The following UGT1A10 variants were observed in gnomAD, a reference collection of about 807,000 sequenced individuals.
UGT1A10 encodes UDP-glucuronosyltransferase 1A10.
In UGT1A10, 49 loss-of-function variants were observed where a neutral mutation model predicts 45.8. That is an observed-to-expected ratio of 1.07 (90% CI 0.85 to 1.36). The LOEUF is 1.36. UGT1A10 is among the 40% of genes most tolerant of loss of function. The probability of loss-of-function intolerance (pLI) is 0.00; values close to 1 mark genes in which losing one functional copy is unlikely to be tolerated. For missense variants in UGT1A10, 745 were observed against 668.6 expected (o/e 1.11, Z -1.26); for synonymous variants, 284 against 249.7 (o/e 1.14, Z -1.29).
Position 233,772,570 on chromosome 2 carries a change from G to C in UGT1A10, c.*11G>C. Reference sequence around the variant, plus strand: ...TCCAAGACCCATTGAGAAGTGGGTGGGAAATAAGGTAAAATTTTGAACCAT... The same window carrying C: ...TCCAAGACCCATTGAGAAGTGGGTGCGAAATAAGGTAAAATTTTGAACCAT... On this transcript the variant is annotated 3_prime_UTR_variant, in exon 5 of 5. Coordinates refer to ENST00000344644, the MANE Select transcript of UGT1A10 (RefSeq NM_019075.4). The C allele has an allele frequency of 1.2e-6, 2 of 1,612,202 alleles. No individual in the cohort carries two copies. Among genetic ancestry groups the C allele is most frequent in the Non-Finnish European group, 1.7e-6 (2 of 1,179,006 alleles).
chr2:233,646,214 C>A (rs990542227), intron 1 of UGT1A10, among the ~76,000 whole-genome samples: 3 of 152,216 alleles, frequency 2.0e-5, no homozygotes, highest in Non-Finnish European at 4.4e-5. Flanking sequence ...AGGCTGCACA[C>A]AGCAGGGGGC....
intron 1 of UGT1A10, among the ~76,000 whole-genome samples, chr2:233,665,687 T>C (rs1457386735): frequency 6.6e-6 from 1 of 152,116 alleles, no homozygotes; most frequent in Admixed American, 6.5e-5. Context: ...CCCAGGGAGG[T>C]GCACTGCATC....
intron 1 of UGT1A10, among the ~76,000 whole-genome samples, chr2:233,758,574 AAG>A (rs1434533042): frequency 6.6e-5 from 10 of 152,190 alleles, no homozygotes; most frequent in Admixed American, 3.3e-4. Flanking sequence ...CTAAAAAATG[AAG>A]AGTGTTTGGG....
intron 1 of UGT1A10, chr2:233,691,866 A>G (rs45464992): frequency 3.3e-3 from 526 of 157,150 alleles, no homozygotes; most frequent in Non-Finnish European, 5.4e-3. Context: ...TATAATAAGA[A>G]ATATATGTTT....
intron 1 of UGT1A10, chr2:233,713,853 T>C: frequency 6.2e-7 from 1 of 1,613,998 alleles, no homozygotes. Context: ...GAAGCCACTA[T>C]CTCAGGTCTG....
intron 1 of UGT1A10, chr2:233,760,742 C>A (rs760143782): frequency 6.2e-7 from 1 of 1,614,166 alleles, no homozygotes; most frequent in Non-Finnish European, 8.5e-7. Flanking sequence ...CTGACGGACC[C>A]TTTCCTTCCT....
At chr2:233,657,258 T>A (rs2073876059) in intron 1 of UGT1A10, among the ~76,000 whole-genome samples, 1 of 152,172 alleles carries the variant, frequency 6.6e-6, no homozygotes, top group Non-Finnish European at 1.5e-5. Flanking sequence ...GGCGGTTTAG[T>A]TTTTTTGTGT....
rs115693071 is a variant in UGT1A10 at position 233,730,075 on chromosome 2, T to C, written c.856-36959T>C. ...ATGTATTTATTTAAAATTGCTTCCA[T>C]ATTTACTTATCTTTCCAAATATTTC... On this transcript the variant is annotated intron_variant, in intron 1 of 4. Coordinates refer to ENST00000344644, the MANE Select transcript of UGT1A10 (RefSeq NM_019075.4). 4.0e-4 allele frequency: 646 copies of C among 1,607,268 alleles called. 1 individual carries two copies. In the African/African-American group the frequency reaches 5.1e-3, roughly 13 times the overall value.
intron 1 of UGT1A10, among the ~76,000 whole-genome samples, chr2:233,651,316 T>C (rs1281225867): frequency 6.6e-6 from 1 of 152,162 alleles, no homozygotes; most frequent in Non-Finnish European, 1.5e-5. Context: ...GCTTCCGAGA[T>C]ACGGAAAGCT....
intron 1 of UGT1A10, among the ~76,000 whole-genome samples, chr2:233,677,119 T>A (rs2074381580): frequency 6.6e-6 from 1 of 152,200 alleles, no homozygotes; most frequent in African/African-American, 2.4e-5. Context: ...GTATTTTATT[T>A]ATAGATCAAC....
chr2:233,760,393 G>A lies in UGT1A10; in HGVS notation c.856-6641G>A, dbSNP rs1697429657. The A allele has an allele frequency of 4.3e-6, 7 of 1,614,206 alleles. No homozygotes were observed. In the South Asian group the frequency reaches 5.5e-5, roughly 13 times the overall value. On this transcript the variant is annotated intron_variant, in intron 1 of 4. Transcript: ENST00000344644. The stretch of plus-strand genomic sequence containing the variant: ...TGGGAAGATACTGTTGATCCCAGTG[G>A]ATGGCAGCCACTGGCTGAGCATGCT...
At chr2:233,648,915 A>T (rs1325256818) in intron 1 of UGT1A10, 43 of 1,361,208 alleles carry the variant, frequency 3.2e-5, no homozygotes, top group African/African-American at 4.3e-5. Context: ...ACAGCCACAC[A>T]TCAATTTGGT....
chr2:233,693,505 T>G, intron 1 of UGT1A10: 2 of 1,614,198 alleles, frequency 1.2e-6, no homozygotes, highest in Non-Finnish European at 1.7e-6. Context: ...GCCTACCATC[T>G]GTGTACCTCT....
At chr2:233,688,780 TG>T (rs1488154888) in intron 1 of UGT1A10, among the ~76,000 whole-genome samples, 1 of 152,142 alleles carries the variant, frequency 6.6e-6, no homozygotes, top group Non-Finnish European at 1.5e-5. Flanking sequence ...GCCATTCTAA[TG>T]GAGAGGAAGG....
chr2:233,668,202 C>T (rs558905419), intron 1 of UGT1A10, among the ~76,000 whole-genome samples: 2 of 152,236 alleles, frequency 1.3e-5, no homozygotes, highest in African/African-American at 4.8e-5. Context: ...CTATCCCTCC[C>T]CCATACCCCC....
In UGT1A10 at chr2:233,656,392, A is replaced by T. The variant is rs576116648; in HGVS notation, c.855+19015A>T. On this transcript the variant is annotated intron_variant, in intron 1 of 4. Transcript: ENST00000344644. ...AATCAGCCTCTTGTCCAATGAAAGCAGTATTTGTGGCTTATGGAACAAGGA... is the reference window on the plus strand; with the variant it reads ...AATCAGCCTCTTGTCCAATGAAAGCTGTATTTGTGGCTTATGGAACAAGGA... 1.6e-4 allele frequency among the ~76,000 whole-genome samples: 24 copies of T among 152,358 alleles called. No homozygotes were observed. In the South Asian group the frequency reaches 3.1e-3, roughly 20 times the overall value.
intron 1 of UGT1A10, among the ~76,000 whole-genome samples, chr2:233,665,496 G>A (rs1240014417): frequency 6.6e-6 from 1 of 152,182 alleles, no homozygotes; most frequent in African/African-American, 2.4e-5. Context: ...TTTTTGACTT[G>A]AAATACAGGA....
At chr2:233,729,089 G>A (rs373016756) in intron 1 of UGT1A10, 93 of 1,612,442 alleles carry the variant, frequency 5.8e-5, no homozygotes, top group Middle Eastern at 2.1e-4. Flanking sequence ...CAGGCACAGC[G>A]TGGGGTGGAC....
intron 1 of UGT1A10, among the ~76,000 whole-genome samples, chr2:233,699,874 G>A (rs1440765053): frequency 6.6e-6 from 1 of 152,096 alleles, no homozygotes; most frequent in African/African-American, 2.4e-5. Context: ...GACATTTTTG[G>A]TGTTGCAATT....
Sources: gnomAD v4.1 joint callset for allele counts (sites outside exome capture counted in the v4.1 genomes callset) on GRCh38, gnomAD v4.1.1 for gene constraint, MANE v1.5 for transcripts, NCBI Gene and HGNC (gene_info 2026-07-23, HGNC 2026-07-21) for gene names.